The following SPTBN1 variants were observed in gnomAD, a reference collection of about 807,000 sequenced individuals.
SPTBN1 encodes the protein spectrin beta, non-erythrocytic 1.
Under a neutral mutation model 266.4 loss-of-function variants are expected in SPTBN1, and 32 were observed. That is an observed-to-expected ratio of 0.12 (90% confidence interval 0.09 to 0.16). SPTBN1 has a LOEUF of 0.16. SPTBN1 is among the 10% of genes least tolerant of loss of function. The probability of loss-of-function intolerance (pLI) is 1.00; values close to 1 mark genes in which losing one functional copy is unlikely to be tolerated. For synonymous variants in SPTBN1, 1,336 were observed against 1,162.2 expected, an observed-to-expected ratio of 1.15 and a Z score of -3.04; for missense variants, 2,296 against 3,067.1, an observed-to-expected ratio of 0.75 and a Z score of 5.94.
At chr2:54,513,502 G>T (rs963071464) in intron 1 of SPTBN1, among the ~76,000 whole-genome samples, 7 of 152,104 alleles carry the variant, frequency 4.6e-5, no homozygotes, top group South Asian at 2.1e-4. Context: ...AACAAATAGG[G>T]CAGTGAAATG....
In SPTBN1 at chr2:54,526,559, T is replaced by C. The variant is rs1403329891; in HGVS notation, c.141T>C (p.Ala47=). The change falls in exon 2 of 36, where the codon GCT becomes GCC. Residue 47 remains alanine, a synonymous_variant. Transcript: ENST00000356805. ...TTTTTGAGCGGTCCCGCATCAAGGCTCTGGCAGGTGAGTCCTTCACACCTG... is the reference window on the plus strand; with the variant it reads ...TTTTTGAGCGGTCCCGCATCAAGGCCCTGGCAGGTGAGTCCTTCACACCTG... The part of the protein sequence containing the change: ...ARLFERSRIK[A]LADEREAVQK... 2 of 1,613,378 alleles carry C rather than the reference T, an allele frequency of 1.2e-6. No homozygotes were observed. Among genetic ancestry groups the C allele is most frequent in the Non-Finnish European group, 1.7e-6 (2 of 1,179,712 alleles).
Position 54,666,037 on chromosome 2 carries a change from T to A in SPTBN1, c.6782T>A (p.Val2261Asp), listed in dbSNP as rs1462791847. 1 of 1,614,062 alleles carries A rather than the reference T, an allele frequency of 6.2e-7. No individual in the cohort carries two copies. Among genetic ancestry groups the A allele is most frequent in the Admixed American group, 1.7e-5 (1 of 59,988 alleles). Reference protein sequence around the residue: ...SEVPVSLKEAVCEVALDYKKK... With the variant: ...SEVPVSLKEADCEVALDYKKK... ...GTCCCTGTGAGTTTGAAAGAAGCTG[T>A]CTGCGAAGTGGCCCTTGATTACAAA... Residue 2261 changes from valine to aspartate, a missense_variant, in exon 34 of 36, where the codon GTC (valine) becomes GAC (aspartate). Transcript: ENST00000356805.
intron 17 of SPTBN1, among the ~76,000 whole-genome samples, chr2:54,637,144 C>G (rs964635276): frequency 6.6e-6 from 1 of 152,112 alleles, no homozygotes; most frequent in African/African-American, 2.4e-5. Flanking sequence ...GTTTTAACTT[C>G]TTTGAGCTTT....
At chr2:54,541,255 C>A (rs1392098455) in intron 2 of SPTBN1, among the ~76,000 whole-genome samples, 1 of 152,322 alleles carries the variant, frequency 6.6e-6, no homozygotes, top group East Asian at 1.9e-4. Context: ...ATGCCTAGAA[C>A]TGCAGAGGAT....
intron 2 of SPTBN1, among the ~76,000 whole-genome samples, chr2:54,547,298 A>G (rs1304842240): frequency 6.6e-6 from 1 of 152,162 alleles, no homozygotes; most frequent in African/African-American, 2.4e-5. Flanking sequence ...ATATGACAGA[A>G]TTTTCTTCTT....
chr2:54,607,972 T>A (rs1676960224), intron 3 of SPTBN1, among the ~76,000 whole-genome samples: 1 of 152,222 alleles, frequency 6.6e-6, no homozygotes, highest in African/African-American at 2.4e-5. Context: ...ACGTTTTCCG[T>A]ACAGCACATA....
chr2:54,625,015 C>T, intron 11 of SPTBN1, 53 bp downstream of exon 11: 2 of 1,519,716 alleles, frequency 1.3e-6, no homozygotes. Flanking sequence ...TCTAGAAACA[C>T]AGACCATCCC....
chr2:54,576,072 T>TTTTTTTTTA (rs1674447709), intron 2 of SPTBN1, among the ~76,000 whole-genome samples: 1 of 113,358 alleles, frequency 8.8e-6, no homozygotes, highest in Non-Finnish European at 1.7e-5. Context: ...TTTTTTTTTT[T>TTTTTTTTTA]GAGAGACAGT....
At chr2:54,492,343 T>TTTTTG (rs1558775107) in intron 1 of SPTBN1, among the ~76,000 whole-genome samples, 1 of 141,278 alleles carries the variant, frequency 7.1e-6, no homozygotes, top group African/African-American at 2.9e-5. Context: ...CTGCAGTTGT[T>TTTTTG]TTTTTGTTTT....
chr2:54,596,759 C>T lies in SPTBN1; in HGVS notation c.149-2333C>T, dbSNP rs79299255. 9.8e-4 allele frequency among the ~76,000 whole-genome samples: 149 copies of T among 152,232 alleles called. 1 individual carries two copies. In the East Asian group the frequency reaches 0.027, roughly 27 times the overall value. ...TAAGAACCATGATAGCCCTGGGGAG[C>T]CCTCCCGGCACAGATCTCAGTCTGT... On this transcript the variant is annotated intron_variant, in intron 2 of 35. Transcript: ENST00000356805.
At chr2:54,473,573 TGAG>T (rs1558756696) in intron 1 of SPTBN1, among the ~76,000 whole-genome samples, 1 of 152,228 alleles carries the variant, frequency 6.6e-6, no homozygotes, top group Non-Finnish European at 1.5e-5. Context: ...TAAATTGTAT[TGAG>T]GAGAGGTGAA....
chr2:54,582,212 G>A (rs759912932), intron 2 of SPTBN1, among the ~76,000 whole-genome samples: 1 of 152,128 alleles, frequency 6.6e-6, no homozygotes, highest in African/African-American at 2.4e-5. Context: ...AGCTTCCAGG[G>A]TCTAAGAAAG....
At chr2:54,613,196 A>G (rs955657959) in intron 4 of SPTBN1, among the ~76,000 whole-genome samples, 1 of 152,176 alleles carries the variant, frequency 6.6e-6, no homozygotes. Flanking sequence ...GGCAGGAACA[A>G]CTTTGTACCA....
Position 54,637,741 on chromosome 2 carries a change from G to A in SPTBN1, c.3796G>A (p.Glu1266Lys), listed in dbSNP as rs1679248775. Reference sequence around the variant, plus strand: ...TAGGAAGAATCGTGAGACAGCCAGTGAACTTTTGATGAGGTTGAAGGACAA... The same window carrying A: ...TAGGAAGAATCGTGAGACAGCCAGTAAACTTTTGATGAGGTTGAAGGACAA... ...RHRKNRETASELLMRLKDNRD... is the reference protein window; with the variant it reads ...RHRKNRETASKLLMRLKDNRD... The change falls in exon 18 of 36, where the codon GAA becomes AAA. Residue 1266 changes from glutamate to lysine, a missense_variant. Transcript: ENST00000356805. 1 of 1,613,818 alleles carries A rather than the reference G, an allele frequency of 6.2e-7. No individual in the cohort carries two copies. Among genetic ancestry groups the A allele is most frequent in the South Asian group, 1.1e-5 (1 of 91,010 alleles).
intron 30 of SPTBN1, 107 bp from the exon 31 acceptor site, chr2:54,659,047 G>A: frequency 8.7e-7 from 1 of 1,145,146 alleles, no homozygotes; most frequent in Non-Finnish European, 1.3e-6. Flanking sequence ...GTCCAGTGTG[G>A]TCCAGTTTAG....
intron 1 of SPTBN1, among the ~76,000 whole-genome samples, chr2:54,522,656 GAAA>G (rs1265224583): frequency 7.1e-5 from 7 of 99,164 alleles, no homozygotes; most frequent in South Asian, 6.7e-4. Context: ...AAGAGAGAGA[GAAA>G]GAGAGAGAGA....
chr2:54,664,582 A>T lies in SPTBN1; in HGVS notation c.6550A>T (p.Ser2184Cys), dbSNP rs1306121663. Reference sequence around the variant, plus strand: ...AGCCAAGACTGCCCTCCCAGCCCAGAGTGCCGCCACCTTACCAGCCAGAAC... The same window carrying T: ...AGCCAAGACTGCCCTCCCAGCCCAGTGTGCCGCCACCTTACCAGCCAGAAC... ...RKAKTALPAQ[S>C]AATLPARTQE... is the part of the protein sequence containing the mutation. The change falls in exon 33 of 36, where the codon AGT becomes TGT. Residue 2184 changes from serine (S) to cysteine (C), a missense_variant. By Grantham distance (112) the Ser-to-Cys change is moderately radical. Around this residue, in one of 12 missense-constraint regions of SPTBN1, gnomAD observed 347 missense variants for 368.5 expected, o/e 0.94. Transcript: ENST00000356805. This position sits in a 1 kb window ranked among gnomAD's most constrained non-coding sequence, Gnocchi z 5.6. 6.2e-7 allele frequency: 1 copy of T among 1,614,024 alleles called. No individual in the cohort carries two copies. The highest frequency in any genetic ancestry group is 1.3e-5 in the African/African-American group (1 of 74,904).
chr2:54,517,093 C>T (rs1295869425), intron 1 of SPTBN1, among the ~76,000 whole-genome samples: 1 of 149,336 alleles, frequency 6.7e-6, no homozygotes, highest in East Asian at 2.0e-4. Context: ...TATTTCTTAT[C>T]CCACTTAAGG....
intron 1 of SPTBN1, among the ~76,000 whole-genome samples, chr2:54,522,377 TC>T (rs1670493777): frequency 6.6e-6 from 1 of 152,126 alleles, no homozygotes; most frequent in East Asian, 1.9e-4. Context: ...GCACCTGTAA[TC>T]CCAGGACTTT....
Sources: allele counts gnomAD v4.1 joint callset (sites outside exome capture counted in the v4.1 genomes callset), GRCh38; gene constraint gnomAD v4.1.1; regional missense constraint gnomAD v4.1.1; non-coding constraint Gnocchi (gnomAD v3.1); transcripts MANE v1.5; gene names NCBI Gene and HGNC (gene_info 2026-07-23, HGNC 2026-07-21).